LARGE1: variants seen among roughly 807,000 people sequenced by gnomAD.
LARGE1 encodes xylosyl- and glucuronyltransferase LARGE1.
Under a neutral mutation model 87.6 loss-of-function variants are expected in LARGE1, and 43 were observed. The ratio of observed to expected loss-of-function variants is 0.49; its 90% CI spans 0.38 to 0.63. The LOEUF (loss-of-function observed/expected upper bound fraction) is 0.63, where lower values mean the gene tolerates loss of function less well. LARGE1 is among the 30% of genes least tolerant of loss of function. The probability of loss-of-function intolerance (pLI) is 0.00; values close to 1 mark genes in which losing one functional copy is unlikely to be tolerated. For missense variants in LARGE1, 802 were observed against 1,000.2 expected (o/e 0.80, Z 2.67); for synonymous variants, 434 against 394.6 (o/e 1.10, Z -1.18).
chr22:33,396,490 A>G (rs1430479940), intron 7 of LARGE1, among the ~76,000 whole-genome samples: 3 of 148,894 alleles, frequency 2.0e-5, no homozygotes, highest in Non-Finnish European at 3.0e-5. Flanking sequence ...AGAGAGAGAG[A>G]GAGAGAGATA....
intron 1 of LARGE1, among the ~76,000 whole-genome samples, chr22:33,829,903 C>T (rs1007049484): frequency 2.6e-5 from 4 of 152,178 alleles, no homozygotes; most frequent in African/African-American, 9.7e-5. Context: ...AAGAAGAAAC[C>T]ACCATTCCCT....
intron 3 of LARGE1, among the ~76,000 whole-genome samples, chr22:33,638,206 A>C (rs1188731600): frequency 1.3e-5 from 2 of 152,228 alleles, no homozygotes; most frequent in Admixed American, 1.3e-4. Flanking sequence ...GTCCATGAAG[A>C]TACAATAGAA....
intron 4 of LARGE1, among the ~76,000 whole-genome samples, chr22:33,605,084 C>T (rs1237139315): frequency 6.6e-6 from 1 of 151,686 alleles, no homozygotes; most frequent in Non-Finnish European, 1.5e-5. Flanking sequence ...CACCCAGTAA[C>T]AGCCTGTCCT....
At chr22:33,286,261 ACT>A (rs1476033303) in intron 12 of LARGE1, among the ~76,000 whole-genome samples, 1 of 152,034 alleles carries the variant, frequency 6.6e-6, no homozygotes, top group East Asian at 1.9e-4. Flanking sequence ...GTCAGCTAGC[ACT>A]CTCTTTTGTA....
chr22:33,191,823 T>G (rs1243607401), intron 11 of LARGE1, among the ~76,000 whole-genome samples: 1 of 152,152 alleles, frequency 6.6e-6, no homozygotes, highest in Non-Finnish European at 1.5e-5. Flanking sequence ...AATTTAAAAT[T>G]GAACAGAACC....
In LARGE1 at chr22:33,325,417, T is replaced by G. The variant is rs1937154816; in HGVS notation, c.1288-9169A>C. ...TCAGGAACAAATTTTATTCGCCTTC[T>G]TTTCTTGGCTGACAGCCAGAGCAAG... On this transcript the variant is annotated intron_variant, in intron 10 of 14. Transcript: ENST00000397394. 2.0e-5 allele frequency among the ~76,000 whole-genome samples: 3 copies of G among 152,262 alleles called. No individual in the cohort carries two copies. In the South Asian group the frequency reaches 6.2e-4, roughly 31 times the overall value.
chr22:33,876,361 G>A (rs946054332), intron 1 of LARGE1, among the ~76,000 whole-genome samples: 1 of 151,968 alleles, frequency 6.6e-6, no homozygotes, highest in Non-Finnish European at 1.5e-5. Context: ...GAGACACAGG[G>A]GGCAGTGATG....
At chr22:33,201,653 A>G (rs534540533) in intron 11 of LARGE1, among the ~76,000 whole-genome samples, 63 of 152,304 alleles carry the variant, frequency 4.1e-4, no homozygotes, top group African/African-American at 1.5e-3. Flanking sequence ...GAATTTGGGA[A>G]ACAAGAAAAG....
At chr22:33,658,593 C>T (rs1381919571) in intron 2 of LARGE1, among the ~76,000 whole-genome samples, 2 of 152,184 alleles carry the variant, frequency 1.3e-5, no homozygotes, top group Non-Finnish European at 2.9e-5. Flanking sequence ...CCAGCTTCAT[C>T]CATGTTCATG....
intron 6 of LARGE1, among the ~76,000 whole-genome samples, chr22:33,534,351 C>T (rs913775773): frequency 4.0e-5 from 6 of 151,556 alleles, no homozygotes; most frequent in South Asian, 2.1e-4. Context: ...TTGCAGTGAG[C>T]GGAGAACACG....
chr22:33,076,649 G>A, the LARGE1 span, among the ~76,000 whole-genome samples: 2 of 152,140 alleles, frequency 1.3e-5, no homozygotes, highest in South Asian at 4.1e-4. Flanking sequence ...CTGGAAGAGG[G>A]AAAGGTAAAA....
chr22:33,614,547 C>CT (rs1338968262), intron 4 of LARGE1, among the ~76,000 whole-genome samples: 6 of 152,054 alleles, frequency 3.9e-5, no homozygotes. Context: ...CTTCACACCC[C>CT]TTCCTTAAAC....
At chr22:33,361,288 C>A (rs570965853) in intron 9 of LARGE1, among the ~76,000 whole-genome samples, 1 of 149,674 alleles carries the variant, frequency 6.7e-6, no homozygotes, top group Admixed American at 6.6e-5. Context: ...TGGGTCTCTT[C>A]TTCAGCCTCT....
chr22:33,226,767 T>C (rs1275941397), intron 11 of LARGE1, among the ~76,000 whole-genome samples: 3 of 151,804 alleles, frequency 2.0e-5, no homozygotes, highest in Admixed American at 2.0e-4. Context: ...TCCCGCTCTT[T>C]AGCCCAGGCC....
chr22:33,915,508 G>A (rs748406495), intron 1 of LARGE1, among the ~76,000 whole-genome samples: 9 of 151,924 alleles, frequency 5.9e-5, no homozygotes, highest in Non-Finnish European at 1.3e-4. Context: ...TAATGAAAGT[G>A]CCAGGTGTAA....
chr22:33,465,269 G>T (rs2068559879), intron 6 of LARGE1, among the ~76,000 whole-genome samples: 1 of 152,206 alleles, frequency 6.6e-6, no homozygotes, highest in Non-Finnish European at 1.5e-5. Context: ...TATTGCTTGT[G>T]ATCGTGACTG....
At chr22:33,820,656 T>C (rs2086790291) in intron 1 of LARGE1, among the ~76,000 whole-genome samples, 1 of 152,120 alleles carries the variant, frequency 6.6e-6, no homozygotes, top group African/African-American at 2.4e-5. Flanking sequence ...AGCTAAATAC[T>C]ATAGGATAAA....
chr22:33,102,935 AC>A, the LARGE1 span, among the ~76,000 whole-genome samples: 3 of 151,672 alleles, frequency 2.0e-5, no homozygotes, highest in Non-Finnish European at 4.4e-5. Flanking sequence ...TCAGAAACAG[AC>A]CCCGAAAGAA....
chr22:33,198,128 T>A (rs1924172883), intron 11 of LARGE1, among the ~76,000 whole-genome samples: 1 of 152,014 alleles, frequency 6.6e-6, no homozygotes, highest in Admixed American at 6.6e-5. Flanking sequence ...ATATGTAACC[T>A]CCAGAGCGGT....
Sources: allele counts gnomAD v4.1 joint callset (sites outside exome capture counted in the v4.1 genomes callset), GRCh38; gene constraint gnomAD v4.1.1; transcripts MANE v1.5; gene names NCBI Gene and HGNC (gene_info 2026-07-23, HGNC 2026-07-21).